AGRN: variants seen among roughly 807,000 people sequenced by gnomAD.
AGRN encodes agrin proteoglycan.
Under a neutral mutation model 211.0 loss-of-function variants are expected in AGRN, and 106 were observed. That is an observed-to-expected ratio of 0.50 (90% CI 0.43 to 0.59). AGRN has a LOEUF of 0.59. AGRN is among the 20% of genes least tolerant of loss of function. AGRN has a pLI of 0.00. For missense variants in AGRN, 3,040 were observed against 2,982.6 expected (o/e 1.02, Z -0.45); for synonymous variants, 1,525 against 1,332.5 (o/e 1.14, Z -3.15).
chr1:1,050,846 T>G lies in AGRN; in HGVS notation c.5253+9T>G, dbSNP rs1328340844. Reference sequence around the variant, plus strand: ...TGTTGGGGGAGTCCCCGGTGAGTGCTCTGGGCCGCGAGGGGACTCCCGCTG... The same window carrying G: ...TGTTGGGGGAGTCCCCGGTGAGTGCGCTGGGCCGCGAGGGGACTCCCGCTG... On this transcript the variant is annotated intron_variant, in intron 30 of 35. Coordinates refer to ENST00000379370, the MANE Select transcript of AGRN (RefSeq NM_198576.4). 4 of 1,552,596 alleles carry G rather than the reference T, an allele frequency of 2.6e-6. 1 individual carries two copies. The East Asian group carries it at 7.1e-5, about 28-fold the overall frequency.
chr1:1,028,907 GGGCGCCCACACCCACGCCACCC>G (rs1644583686), intron 2 of AGRN, among the ~76,000 whole-genome samples: 1 of 45,854 alleles, frequency 2.2e-5, no homozygotes, highest in Non-Finnish European at 5.8e-5. Context: ...CGTGGGCCAA[GGGCGCCCACACCCACGCCACCC>G]TTTCCGAAGG....
At chr1:1,038,801 G>T (rs919344192) in intron 3 of AGRN, among the ~76,000 whole-genome samples, 3 of 152,250 alleles carry the variant, frequency 2.0e-5, no homozygotes, top group African/African-American at 7.2e-5. Context: ...TTTGGACTGG[G>T]AGTCCCAGGG....
intron 33 of AGRN, chr1:1,053,366 G>C: frequency 1.8e-6 from 2 of 1,140,854 alleles, no homozygotes; most frequent in African/African-American, 3.2e-5. Context: ...GTCTTCTGTG[G>C]GTGCCTGCTC....
intron 30 of AGRN, 115 bp from the exon 31 acceptor site, chr1:1,051,138 A>G: frequency 7.2e-7 from 1 of 1,395,716 alleles, no homozygotes; most frequent in Non-Finnish European, 9.9e-7. Context: ...CTGTGTGATT[A>G]ACGCTGCCCC....
At chr1:1,030,722 CAT>C (rs1491092444) in intron 2 of AGRN, among the ~76,000 whole-genome samples, 2 of 50,318 alleles carry the variant, frequency 4.0e-5, no homozygotes, top group South Asian at 2.0e-3. Context: ...GTGAGATCAG[CAT>C]GTGTGTGTGT....
chr1:1,051,781 A>G lies in AGRN; in HGVS notation c.5617A>G (p.Thr1873Ala). 6.2e-7 allele frequency: 1 copy of G among 1,613,696 alleles called. No homozygotes were observed. Among genetic ancestry groups the G allele is most frequent in the Non-Finnish European group, 8.5e-7 (1 of 1,179,952 alleles). ...GGATACCTTGGCCTTTGACGGGCGG[A>G]CCTTTGTCGAGTACCTCAACGCTGT... ...DVDTLAFDGR[T>A]FVEYLNAVTE... The change falls in exon 33 of 36, where the codon ACC (threonine) becomes GCC (alanine). Residue 1873 changes from threonine to alanine, a missense_variant. Around this residue, in one of 3 missense-constraint regions of AGRN, gnomAD observed 1,537 missense variants for 1,505.0 expected, o/e 1.02. Coordinates refer to ENST00000379370, the MANE Select transcript of AGRN (RefSeq NM_198576.4).
chr1:1,045,623 C>T, intron 14 of AGRN, 100 bp downstream of exon 14: 1 of 1,606,062 alleles, frequency 6.2e-7, no homozygotes, highest in South Asian at 1.1e-5. Context: ...TGGCCTGACC[C>T]ACACCTGGCT....
intron 33 of AGRN, chr1:1,053,521 A>G: frequency 2.0e-6 from 3 of 1,527,442 alleles, no homozygotes; most frequent in African/African-American, 1.4e-5. Context: ...GTGCCTGCAG[A>G]CCCCTGGCTG....
chr1:1,043,791 T>A, intron 9 of AGRN, 32 bp from the exon 10 acceptor site: 5 of 1,607,748 alleles, frequency 3.1e-6, no homozygotes, highest in Non-Finnish European at 4.2e-6. Flanking sequence ...AGCCTGGGCC[T>A]GCCGACCCCT....
At chr1:1,024,369 C>T (rs1313355338) in intron 2 of AGRN, among the ~76,000 whole-genome samples, 1 of 152,010 alleles carries the variant, frequency 6.6e-6, no homozygotes, top group African/African-American at 2.4e-5. Flanking sequence ...ACATTGAACC[C>T]CACCCTGGGC....
chr1:1,023,601 G>A (rs930034156), intron 2 of AGRN, among the ~76,000 whole-genome samples: 3 of 152,154 alleles, frequency 2.0e-5, no homozygotes, highest in Non-Finnish European at 4.4e-5. Context: ...GGAGAAGGGG[G>A]TTAGGGCGAG....
Position 1,044,375 on chromosome 1 carries a change from G to T in AGRN, c.2190G>T (p.Glu730Asp). 6.2e-7 allele frequency: 1 copy of T among 1,612,784 alleles called. No individual in the cohort carries two copies. The highest frequency in any genetic ancestry group is 2.2e-5 in the East Asian group (1 of 44,876). The change falls in exon 12 of 36, where the codon GAG becomes GAT. Residue 730 changes from glutamate (E) to aspartate (D), a missense_variant. By Grantham distance (45) the Glu-to-Asp change is conservative. Around this residue, in one of 3 missense-constraint regions of AGRN, gnomAD observed 1,498 missense variants for 1,457.8 expected, o/e 1.03. Transcript: ENST00000379370. ...SDGVTYSTEC[E>D]LKKARCESQR... The stretch of plus-strand genomic sequence containing the variant: ...GGGTCACCTACAGCACCGAGTGTGA[G>T]CTGAAGAAGGCCAGGTGTGAGTCAC...
intron 12 of AGRN, 28 bp from the exon 13 acceptor site, chr1:1,045,133 A>G (rs1204686139): frequency 6.2e-7 from 1 of 1,608,084 alleles, no homozygotes; most frequent in Admixed American, 1.7e-5. Flanking sequence ...CACTGCATGA[A>G]ATCTGAGTCC....
intron 14 of AGRN, 25 bp from the exon 15 acceptor site, chr1:1,045,708 C>T (rs775698095): frequency 2.5e-5 from 41 of 1,613,028 alleles, no homozygotes; most frequent in South Asian, 1.5e-4. Flanking sequence ...GCGGACATCA[C>T]GTTCCTCCCC....
intron 34 of AGRN, 80 bp from the exon 35 acceptor site, chr1:1,054,368 G>A: frequency 7.7e-7 from 1 of 1,302,288 alleles, no homozygotes; most frequent in South Asian, 1.3e-5. Flanking sequence ...GCAGGGCATA[G>A]GAAGGATGCA....
rs1168913777 is a variant in AGRN at position 1,046,724 on chromosome 1, G to A, written c.3239G>A (p.Gly1080Asp). The A allele has an allele frequency of 2.5e-6, 4 of 1,580,052 alleles. No individual in the cohort carries two copies. The South Asian group carries it at 4.5e-5, about 18-fold the overall frequency. ...AGCGGGGACCAGGAGGCCAGTGGGG[G>A]TGGCTCTGGGGGTGAGCAGGGATCA... ...ELSGDQEASGGGSGGLEPLEG... is the reference protein window; with the variant it reads ...ELSGDQEASGDGSGGLEPLEG... Residue 1080 changes from glycine (G) to aspartate (D), a missense_variant, in exon 18 of 36, where the codon GGT (glycine) becomes GAT (aspartate). Gly to Asp is a moderately conservative substitution (Grantham distance 94, BLOSUM62 -1). Around this residue, in one of 3 missense-constraint regions of AGRN, gnomAD observed 1,537 missense variants for 1,505.0 expected, o/e 1.02. Coordinates refer to ENST00000379370, the MANE Select transcript of AGRN (RefSeq NM_198576.4).
In AGRN at chr1:1,043,686, C is replaced by G; in HGVS notation, c.1752C>G (p.Ala584=). 1 of 1,600,892 alleles carries G rather than the reference C, an allele frequency of 6.2e-7. No homozygotes were observed. The highest frequency in any genetic ancestry group is 8.5e-7 in the Non-Finnish European group (1 of 1,179,786). ...YPSECMLHVH[A]CTHQISLHVA... is the part of the protein sequence containing the mutation. ...GCGAGTGCATGCTGCACGTGCACGC[C>G]TGCACACACCAGATCAGCCTGCACG... Residue 584 remains alanine (A), a synonymous_variant, in exon 9 of 36, where the codon GCC becomes GCG. Transcript: ENST00000379370.
chr1:1,020,856 G>GGGC (rs1362474304), intron 1 of AGRN, among the ~76,000 whole-genome samples: 1 of 146,844 alleles, frequency 6.8e-6, no homozygotes, highest in African/African-American at 2.4e-5. Flanking sequence ...GCGGGGGGGG[G>GGGC]GCGTGCAGGA....
chr1:1,055,314 G>T lies in AGRN; in HGVS notation c.*333G>T. On this transcript the variant is annotated 3_prime_UTR_variant, in exon 36 of 36. Coordinates refer to ENST00000379370, the MANE Select transcript of AGRN (RefSeq NM_198576.4). ...ACCCTCGCTCCGTCAGGCGGGACTC[G>T]TGTCCCAGAGAGGAAGGGGCTGCTG... is the stretch of plus-strand genomic sequence containing the variant. 1 of 398,410 alleles carries T rather than the reference G, an allele frequency of 2.5e-6. No individual in the cohort carries two copies. The highest frequency in any genetic ancestry group is 4.8e-6 in the Non-Finnish European group (1 of 207,788). 24.7% of individuals were successfully genotyped at this position (398,410 alleles called of 1,614,324 possible). A position where few individuals can be genotyped will look rare whatever the true frequency, so the allele number is the denominator to read the frequency against.
Sources: gnomAD v4.1 joint callset for allele counts (sites outside exome capture counted in the v4.1 genomes callset) on GRCh38, gnomAD v4.1.1 for gene constraint, gnomAD v4.1.1 regional missense constraint, MANE v1.5 for transcripts, NCBI Gene and HGNC (gene_info 2026-07-23, HGNC 2026-07-21) for gene names.